The following CYP7B1 variants were observed in gnomAD, a reference collection of about 807,000 sequenced individuals.
CYP7B1 encodes the protein cytochrome P450 family 7 subfamily B member 1.
CYP7B1 carries 29 observed loss-of-function variants against 42.7 expected under a neutral mutation model. The observed-to-expected ratio is 0.68, with a 90% CI of 0.51 to 0.93. The LOEUF is 0.93. CYP7B1 is among the 40% of genes least tolerant of loss of function. CYP7B1 has a pLI of 0.00. For synonymous variants in CYP7B1, 235 were observed against 218.2 expected (o/e 1.08, Z -0.68); for missense variants, 655 against 600.5 (o/e 1.09, Z -0.95).
intron 1 of CYP7B1, among the ~76,000 whole-genome samples, chr8:64,691,956 G>T (rs778810972): frequency 6.6e-6 from 1 of 152,330 alleles, no homozygotes; most frequent in South Asian, 2.1e-4. Flanking sequence ...AAGTTGCAGA[G>T]TATAGATATC....
intron 1 of CYP7B1, among the ~76,000 whole-genome samples, chr8:64,756,956 C>T (rs544281500): frequency 3.3e-5 from 5 of 152,276 alleles, no homozygotes; most frequent in African/African-American, 9.6e-5. Context: ...CTGAGTCAGA[C>T]GTACAGTGGG....
At chr8:64,765,578 C>A (rs770384210) in intron 1 of CYP7B1, among the ~76,000 whole-genome samples, 1 of 152,092 alleles carries the variant, frequency 6.6e-6, no homozygotes, top group African/African-American at 2.4e-5. Context: ...CTGTGGTCAA[C>A]AAAGGCAAGA....
chr8:64,723,355 A>G (rs563663498), intron 1 of CYP7B1, among the ~76,000 whole-genome samples: 27 of 152,356 alleles, frequency 1.8e-4, no homozygotes, highest in Non-Finnish European at 4.0e-4. Context: ...GTTTCTATCA[A>G]TAAATGCCAA....
At chr8:64,778,813 T>C (rs1804369246) in intron 1 of CYP7B1, among the ~76,000 whole-genome samples, 1 of 152,104 alleles carries the variant, frequency 6.6e-6, no homozygotes, top group Non-Finnish European at 1.5e-5. Flanking sequence ...CTGCTTTCCA[T>C]TGCATCTGAC....
chr8:64,667,673 A>T (rs1806302133), intron 1 of CYP7B1, among the ~76,000 whole-genome samples: 1 of 152,212 alleles, frequency 6.6e-6, no homozygotes, highest in Admixed American at 6.5e-5. Context: ...GTACCTTGCC[A>T]TTATGGAATG....
At chr8:64,726,598 C>T (rs1807328806) in intron 1 of CYP7B1, among the ~76,000 whole-genome samples, 1 of 152,190 alleles carries the variant, frequency 6.6e-6, no homozygotes, top group African/African-American at 2.4e-5. Flanking sequence ...TGAACAGTAG[C>T]TGCCTGATTT....
intron 1 of CYP7B1, among the ~76,000 whole-genome samples, chr8:64,639,005 G>GTC (rs893202457): frequency 4.6e-5 from 7 of 152,026 alleles, no homozygotes; most frequent in African/African-American, 1.2e-4. Flanking sequence ...GGGTTCTAGT[G>GTC]TCTCTCTCTC....
At chr8:64,734,806 T>C (rs960506505) in intron 1 of CYP7B1, among the ~76,000 whole-genome samples, 7 of 152,216 alleles carry the variant, frequency 4.6e-5, no homozygotes, top group African/African-American at 1.7e-4. Context: ...ACAGAAAGCA[T>C]AAACACTTTT....
At chr8:64,714,954 C>T (rs1807133674) in intron 1 of CYP7B1, among the ~76,000 whole-genome samples, 1 of 152,152 alleles carries the variant, frequency 6.6e-6, no homozygotes, top group African/African-American at 2.4e-5. Context: ...TTTAAACCAT[C>T]CAACAACCAA....
chr8:64,738,877 C>CT (rs2129633236), intron 1 of CYP7B1, among the ~76,000 whole-genome samples: 1 of 152,118 alleles, frequency 6.6e-6, no homozygotes, highest in East Asian at 1.9e-4. Context: ...TGACAAATTC[C>CT]TGGGGGGTGA....
intron 1 of CYP7B1, among the ~76,000 whole-genome samples, chr8:64,715,623 T>C (rs9918790): frequency 0.29 from 43,852 of 152,044 alleles, 7,554 homozygotes; most frequent in African/African-American, 0.48. Context: ...ATCCTCATAA[T>C]ATCACTTTGA....
chr8:64,779,395 T>C (rs1804380910), intron 1 of CYP7B1, among the ~76,000 whole-genome samples: 1 of 152,078 alleles, frequency 6.6e-6, no homozygotes, highest in Non-Finnish European at 1.5e-5. Context: ...CTCAAAAGTG[T>C]TGGCCATCCC....
At chr8:64,622,220 T>C (rs574495023) in intron 2 of CYP7B1, among the ~76,000 whole-genome samples, 2 of 152,370 alleles carry the variant, frequency 1.3e-5, no homozygotes, top group East Asian at 1.9e-4. Context: ...ATTTGCATAA[T>C]AAAGCATTGA....
intron 4 of CYP7B1, 32 bp downstream of exon 4, chr8:64,614,994 T>C: frequency 6.2e-7 from 1 of 1,611,312 alleles, no homozygotes; most frequent in Admixed American, 1.7e-5. Context: ...AGAGGTACCT[T>C]CTTTTCTTCA....
intron 1 of CYP7B1, among the ~76,000 whole-genome samples, chr8:64,699,552 A>T (rs1215954239): frequency 6.6e-6 from 1 of 152,016 alleles, no homozygotes; most frequent in African/African-American, 2.4e-5. Context: ...AATAGGACAA[A>T]CCATCTGGCT....
chr8:64,604,720 C>A lies in CYP7B1; in HGVS notation c.1195G>T (p.Val399Phe), dbSNP rs774071933. Reference sequence around the variant, plus strand: ...AAGATTTCAGGGTCACCATGTAGGACTGGAGGAAAGATGGCTACCAAGTCT... The same window carrying A: ...AAGATTTCAGGGTCACCATGTAGGAATGGAGGAAAGATGGCTACCAAGTCT... ...KGDLVAIFPP[V>F]LHGDPEIFEA... The change falls in exon 5 of 6, where the codon GTC (valine) becomes TTC (phenylalanine). Residue 399 changes from valine to phenylalanine, a missense_variant. Val to Phe is a conservative substitution (Grantham distance 50). Transcript: ENST00000310193. 1 of 1,614,118 alleles carries A rather than the reference C, an allele frequency of 6.2e-7. No homozygotes were observed.
rs371548246 is a variant in CYP7B1 at position 64,650,422 on chromosome 8, C to T, written c.123-25883G>A. Among the ~76,000 whole-genome samples, 8 of 152,070 alleles carry T rather than the reference C, an allele frequency of 5.3e-5. 1 individual carries two copies. Among genetic ancestry groups the T allele is most frequent in the African/African-American group, 1.4e-4 (6 of 41,476 alleles). ...CAGCACTTTGGGAGGCTGAGGTGGG[C>T]GGATCACCTGAGGTCAGGAGTTCGA... On this transcript the variant is annotated intron_variant, in intron 1 of 5. Coordinates refer to ENST00000310193, the MANE Select transcript of CYP7B1 (RefSeq NM_004820.5).
At chr8:64,654,806 A>T (rs1200710070) in intron 1 of CYP7B1, among the ~76,000 whole-genome samples, 3 of 152,204 alleles carry the variant, frequency 2.0e-5, no homozygotes, top group Non-Finnish European at 2.9e-5. Context: ...ACAGTAAGGT[A>T]CTGGTACAAA....
At chr8:64,798,431 G>A (rs1196396549) in intron 1 of CYP7B1, 35 bp downstream of exon 1, 1 of 1,496,404 alleles carries the variant, frequency 6.7e-7, no homozygotes, top group African/African-American at 1.4e-5. Context: ...GCGGGGCCCA[G>A]GGCGCATGCG....
Sources: gnomAD v4.1 joint callset for allele counts (sites outside exome capture counted in the v4.1 genomes callset) on GRCh38, gnomAD v4.1.1 for gene constraint, MANE v1.5 for transcripts, NCBI Gene and HGNC (gene_info 2026-07-23, HGNC 2026-07-21) for gene names.